MMP16: variants seen among roughly 807,000 people sequenced by gnomAD.
The protein encoded by MMP16 is matrix metalloproteinase-16.
Under a neutral mutation model 67.8 loss-of-function variants are expected in MMP16, and 12 were observed. The observed-to-expected ratio is 0.18, with a 90% confidence interval of 0.11 to 0.29. The LOEUF is 0.29. MMP16 is among the 10% of genes least tolerant of loss of function. The probability of loss-of-function intolerance (pLI) is 1.00; values close to 1 mark genes in which losing one functional copy is unlikely to be tolerated. For synonymous variants in MMP16, 249 were observed against 255.9 expected (o/e 0.97, Z 0.26); for missense variants, 475 against 765.7 (o/e 0.62, Z 4.48).
chr8:88,156,837 T>A (rs76530605), intron 4 of MMP16, among the ~76,000 whole-genome samples: 12,868 of 152,034 alleles, frequency 0.085, 744 homozygotes, highest in Non-Finnish European at 0.12. Context: ...AGAAGGAAAA[T>A]TTCTACAGAG....
intron 1 of MMP16, among the ~76,000 whole-genome samples, chr8:88,273,614 C>T (rs1810600514): frequency 6.6e-6 from 1 of 152,128 alleles, no homozygotes; most frequent in Admixed American, 6.5e-5. Context: ...TTGAAATCAA[C>T]TGTCCATTTG....
At chr8:88,097,783 A>C (rs1563530722) in intron 6 of MMP16, among the ~76,000 whole-genome samples, 2 of 151,904 alleles carry the variant, frequency 1.3e-5, no homozygotes, top group African/African-American at 4.8e-5. Context: ...CAGTTTGTTA[A>C]AGATTGAAGG....
chr8:88,322,311 G>A (rs988707460), intron 1 of MMP16, among the ~76,000 whole-genome samples: 8 of 152,160 alleles, frequency 5.3e-5, no homozygotes, highest in African/African-American at 1.9e-4. Context: ...GACAAAATGT[G>A]AAAATCACAT....
intron 1 of MMP16, among the ~76,000 whole-genome samples, chr8:88,206,338 TA>T (rs553525589): frequency 2.6e-5 from 4 of 151,528 alleles, no homozygotes; most frequent in African/African-American, 4.8e-5. Context: ...ATGATGATGA[TA>T]AAAAAAAATA....
chr8:88,104,280 CTAATATTT>C (rs1473277013), intron 6 of MMP16, among the ~76,000 whole-genome samples: 16 of 151,662 alleles, frequency 1.1e-4, no homozygotes, highest in African/African-American at 3.9e-4. Context: ...GACATAAAAT[CTAATATTT>C]TAATATTTTG....
At chr8:88,324,821 C>T (rs1226522980) in intron 1 of MMP16, among the ~76,000 whole-genome samples, 1 of 151,942 alleles carries the variant, frequency 6.6e-6, no homozygotes, top group East Asian at 1.9e-4. Flanking sequence ...ATTCTGTGTT[C>T]TTGACAATAT....
chr8:88,221,415 C>G (rs1809680823), intron 1 of MMP16, among the ~76,000 whole-genome samples: 2 of 151,872 alleles, frequency 1.3e-5, no homozygotes, highest in Non-Finnish European at 2.9e-5. Context: ...CCGTATGCAC[C>G]AAGGATCACC....
chr8:88,183,297 G>A (rs1809011089), intron 3 of MMP16, among the ~76,000 whole-genome samples: 1 of 152,216 alleles, frequency 6.6e-6, no homozygotes, highest in South Asian at 2.1e-4. Context: ...TTGTATTGGT[G>A]GAGTATATAA....
intron 8 of MMP16, among the ~76,000 whole-genome samples, chr8:88,053,838 T>C (rs542913381): frequency 1.3e-5 from 2 of 152,166 alleles, no homozygotes; most frequent in Non-Finnish European, 2.9e-5. Flanking sequence ...ATTGAAACCC[T>C]GCTTTCAGTT....
intron 6 of MMP16, among the ~76,000 whole-genome samples, chr8:88,105,545 A>G (rs1809223146): frequency 6.6e-6 from 1 of 151,556 alleles, no homozygotes; most frequent in Non-Finnish European, 1.5e-5. Flanking sequence ...TGATGGAAAC[A>G]GAAAAATTTG....
At chr8:88,130,823 T>C (rs781303572) in intron 4 of MMP16, among the ~76,000 whole-genome samples, 4 of 151,548 alleles carry the variant, frequency 2.6e-5, no homozygotes, top group African/African-American at 7.3e-5. Flanking sequence ...AAAGCACTTA[T>C]GTTTCATAAT....
At chr8:88,261,851 C>T (rs770091705) in intron 1 of MMP16, among the ~76,000 whole-genome samples, 3 of 151,820 alleles carry the variant, frequency 2.0e-5, no homozygotes, top group Non-Finnish European at 4.4e-5. Flanking sequence ...ATCCTATGCA[C>T]TGGGCACTGC....
chr8:88,094,744 G>A (rs1475300172), intron 6 of MMP16, among the ~76,000 whole-genome samples: 4 of 151,712 alleles, frequency 2.6e-5, no homozygotes, highest in Non-Finnish European at 5.9e-5. Flanking sequence ...ATTTCAAACT[G>A]AAATGTCAGT....
At position 88,268,485 on chromosome 8, in the gene MMP16, T is replaced by C. The variant is rs142747257; in HGVS notation, c.132+58590A>G. ...GGAATATGTATTCTAGTTCTATGAT[T>C]TCCATACTTTTTTCCCAGACAGTTC... On this transcript the variant is annotated intron_variant, in intron 1 of 9. Transcript: ENST00000286614. Among the ~76,000 whole-genome samples, 906 of 152,320 alleles carry C rather than the reference T, an allele frequency of 5.9e-3. 13 individuals are homozygous for C. The highest frequency in any genetic ancestry group is 0.021 in the African/African-American group (858 of 41,568).
At chr8:88,303,204 G>A (rs908933943) in intron 1 of MMP16, among the ~76,000 whole-genome samples, 9 of 152,178 alleles carry the variant, frequency 5.9e-5, no homozygotes, top group African/African-American at 2.2e-4. Flanking sequence ...TGAATCCAGG[G>A]AGCCAGGCAG....
At chr8:88,172,304 T>C (rs1039371726) in intron 3 of MMP16, among the ~76,000 whole-genome samples, 1 of 152,218 alleles carries the variant, frequency 6.6e-6, no homozygotes, top group Non-Finnish European at 1.5e-5. Context: ...GGTAATTTAA[T>C]GATCTCTGAC....
chr8:88,077,167 A>G (rs1298498222), intron 6 of MMP16, among the ~76,000 whole-genome samples: 4 of 152,204 alleles, frequency 2.6e-5, no homozygotes, highest in African/African-American at 9.7e-5. Context: ...GCAGAGAGTC[A>G]TATAAATTAC....
chr8:88,142,189 C>T (rs554994153), intron 4 of MMP16, among the ~76,000 whole-genome samples: 111 of 152,016 alleles, frequency 7.3e-4, no homozygotes, highest in African/African-American at 2.4e-3. Flanking sequence ...GGATTACAGG[C>T]GTGAGCCACC....
At chr8:88,111,473 A>G (rs962708001) in intron 6 of MMP16, among the ~76,000 whole-genome samples, 2 of 151,704 alleles carry the variant, frequency 1.3e-5, no homozygotes, top group African/African-American at 4.8e-5. Context: ...AATGTTCCAG[A>G]AACAACTGGG....
Sources: allele counts gnomAD v4.1 joint callset (sites outside exome capture counted in the v4.1 genomes callset), GRCh38; gene constraint gnomAD v4.1.1; transcripts MANE v1.5; gene names NCBI Gene and HGNC (gene_info 2026-07-23, HGNC 2026-07-21).